The following FLII variants were observed in gnomAD, a reference collection of about 807,000 sequenced individuals.
FLII encodes protein flightless-1 homolog.
In FLII, 101 loss-of-function variants were observed where a neutral mutation model predicts 156.2. That is an observed-to-expected ratio of 0.65 (90% CI 0.55 to 0.76). The LOEUF (loss-of-function observed/expected upper bound fraction) is 0.76. Among genes scored for constraint, FLII ranks in the 30% least tolerant of loss-of-function variants. FLII has a pLI of 0.00. For synonymous variants in FLII, 767 were observed against 685.8 expected, an observed-to-expected ratio of 1.12 and a Z score of -1.85; for missense variants, 1,675 against 1,682.8, an observed-to-expected ratio of 1.00 and a Z score of 0.08.
chr17:18,245,880 C>T (rs1230289004), intron 26 of FLII, 30 bp from the exon 27 acceptor site: 4 of 1,613,758 alleles, frequency 2.5e-6, no homozygotes, highest in East Asian at 2.2e-5. Context: ...AGCCCAGGGC[C>T]CCTGCCTGCC....
chr17:18,247,139 C>CG (rs770168709), intron 21 of FLII, 30 bp downstream of exon 21: 23 of 1,305,614 alleles, frequency 1.8e-5, no homozygotes, highest in East Asian at 7.9e-5. Flanking sequence ...CACCCCCCCC[C>CG]CCGCGCCCCG....
At chr17:18,252,448 C>G in intron 10 of FLII, 24 bp downstream of exon 10, 1 of 1,606,206 alleles carries the variant, frequency 6.2e-7, no homozygotes, top group Non-Finnish European at 8.5e-7. Context: ...TCTCTTGAGC[C>G]CTCTCAAACC....
chr17:18,247,530 G>T (rs1417048250), intron 20 of FLII, 127 bp downstream of exon 20: 2 of 1,081,292 alleles, frequency 1.8e-6, no homozygotes, highest in Non-Finnish European at 2.6e-6. Context: ...GGCGGGGCCT[G>T]GGCAGAGTCA....
Position 18,252,508 on chromosome 17 carries a change from G to T in FLII, c.1062C>A (p.Thr354=). 1 of 1,613,742 alleles carries T rather than the reference G, an allele frequency of 6.2e-7. No homozygotes were observed. The highest frequency in any genetic ancestry group is 8.5e-7 in the Non-Finnish European group (1 of 1,179,988). The part of the protein sequence containing the change: ...KLVLNKNHLV[T]LPEAIHFLTE... ...TCAGGAAATGGATGGCTTCTGGGAG[G>T]GTCACCAGGTGGTTCTTGTTCAGGA... Residue 354 remains threonine (T), a synonymous_variant, in exon 10 of 30, where the codon ACC becomes ACA. Coordinates refer to ENST00000327031, the MANE Select transcript of FLII (RefSeq NM_002018.4).
At position 18,246,789 on chromosome 17, in the gene FLII, C is replaced by G. The variant is rs1460093131; in HGVS notation, c.2856G>C (p.Lys952Asn). The G allele has an allele frequency of 1.7e-5, 28 of 1,613,986 alleles. No homozygotes were observed. Among genetic ancestry groups the G allele is most frequent in the Non-Finnish European group, 2.1e-5 (25 of 1,179,996 alleles). The change falls in exon 23 of 30, where the codon AAG (lysine) becomes AAC (asparagine). Residue 952 changes from lysine to asparagine, a missense_variant. Coordinates refer to ENST00000327031, the MANE Select transcript of FLII (RefSeq NM_002018.4). ...CCTCGGCCTTCTCCTCCTTGTCTTC[C>G]TTCTTTTCCTCCTCCTCGTACTCCA... ...VPVEYEEEEK[K>N]EDKEEKAEGK...
At chr17:18,248,487 T>C in intron 18 of FLII, 63 bp downstream of exon 18, 1 of 1,488,714 alleles carries the variant, frequency 6.7e-7, no homozygotes, top group Non-Finnish European at 9.1e-7. Flanking sequence ...CGGTGTGTAG[T>C]CCATTCCCCC....
intron 2 of FLII, 104 bp downstream of exon 2, chr17:18,256,805 C>T (rs1026652240): frequency 2.4e-6 from 2 of 835,932 alleles, no homozygotes; most frequent in African/African-American, 3.4e-5. Flanking sequence ...CTGCTCATAG[C>T]TGTCGGTGTT....
chr17:18,250,793 C>T, intron 14 of FLII, 45 bp downstream of exon 14: 1 of 1,579,656 alleles, frequency 6.3e-7, no homozygotes, highest in Non-Finnish European at 8.6e-7. Context: ...CCAGAGTTCC[C>T]TGGGAACCCC....
intron 14 of FLII, among the ~76,000 whole-genome samples, chr17:18,250,051 G>T (rs1185468813): frequency 1.3e-5 from 2 of 152,148 alleles, no homozygotes; most frequent in Non-Finnish European, 2.9e-5. Context: ...AACCCTGGGG[G>T]CGGAGGTTGC....
chr17:18,248,113 G>A, intron 18 of FLII, 80 bp from the exon 19 acceptor site: 1 of 916,172 alleles, frequency 1.1e-6, no homozygotes, highest in East Asian at 2.5e-5. Flanking sequence ...TCTGGAACCA[G>A]CCCTGCCCTG....
chr17:18,257,130 T>C (rs2048443528), intron 1 of FLII, 111 bp from the exon 2 acceptor site: 2 of 634,166 alleles, frequency 3.2e-6, no homozygotes, highest in Non-Finnish European at 5.6e-6. Flanking sequence ...TCACCATCTG[T>C]GAGAACACAG....
Position 18,245,737 on chromosome 17 carries a change from G to A in FLII, c.3503+7C>T. ...GACTGAGGGGAGGGTCAGGGCCCTG[G>A]CCTCACCGGAAGAGACGTGTGTGTT... On this transcript the variant is annotated splice_region_variant and intron_variant, in intron 27 of 29. Transcript: ENST00000327031. 1 of 1,612,448 alleles carries A rather than the reference G, an allele frequency of 6.2e-7. No homozygotes were observed. The highest frequency in any genetic ancestry group is 1.7e-5 in the Admixed American group (1 of 60,024).
At chr17:18,251,916 C>T in intron 11 of FLII, 83 bp downstream of exon 11, 7 of 1,603,182 alleles carry the variant, frequency 4.4e-6, no homozygotes, top group Non-Finnish European at 5.1e-6. Context: ...GTCCAGAAAG[C>T]TGTATGCCAC....
chr17:18,251,930 A>G, intron 11 of FLII, 69 bp downstream of exon 11: 2 of 1,602,810 alleles, frequency 1.2e-6, no homozygotes, highest in Non-Finnish European at 1.7e-6. Context: ...ATGCCACCCA[A>G]TTTACAGATG....
chr17:18,246,761 T>G lies in FLII; in HGVS notation c.2884A>C (p.Lys962Gln). ...KEDKEEKAEG[K>Q]EGEEATAEAE... Reference sequence around the variant, plus strand: ...TCAGCGGTTGCTTCCTCGCCTTCTTTGCCCTCGGCCTTCTCCTCCTTGTCT... The same window carrying G: ...TCAGCGGTTGCTTCCTCGCCTTCTTGGCCCTCGGCCTTCTCCTCCTTGTCT... The change falls in exon 23 of 30, where the codon AAA becomes CAA. Residue 962 changes from lysine to glutamine, a missense_variant. Around this residue, in one of 2 missense-constraint regions of FLII, gnomAD observed 1,332 missense variants for 1,269.3 expected, o/e 1.05. Coordinates refer to ENST00000327031, the MANE Select transcript of FLII (RefSeq NM_002018.4). 6.2e-7 allele frequency: 1 copy of G among 1,613,994 alleles called. No individual in the cohort carries two copies.
chr17:18,245,137 C>T lies in FLII; in HGVS notation c.*1G>A, dbSNP rs1388398481. On this transcript the variant is annotated 3_prime_UTR_variant, in exon 30 of 30. Coordinates refer to ENST00000327031, the MANE Select transcript of FLII (RefSeq NM_002018.4). ...CAAGCCTGGGGCTGTGCCAGCCTGT[C>T]TTAGGCCAGGGCCTTGCAGAAGGCG... The T allele has an allele frequency of 6.8e-6, 11 of 1,610,976 alleles. No homozygotes were observed. Among genetic ancestry groups the T allele is most frequent in the Non-Finnish European group, 8.5e-6 (10 of 1,178,190 alleles).
Position 18,258,388 on chromosome 17 carries a change from G to A in FLII, c.63+240C>T. ...GGTGGGGGCTCCCGGCCGGGCCCCC[G>A]GCGGGACTCCGAGCCCAAGCGTCCG... On this transcript the variant is annotated intron_variant, in intron 1 of 29. Coordinates refer to ENST00000327031, the MANE Select transcript of FLII (RefSeq NM_002018.4). This position sits in a 1 kb window ranked among gnomAD's most constrained non-coding sequence, Gnocchi z 4.2. 1.7e-6 allele frequency: 2 copies of A among 1,188,434 alleles called. No individual in the cohort carries two copies. The highest frequency in any genetic ancestry group is 2.1e-4 in the Middle Eastern group (1 of 4,838). The allele number at this position is 1,188,434 out of a possible 1,614,324, so 73.6% of individuals were successfully genotyped here. A position where few individuals can be genotyped will look rare whatever the true frequency, so the allele number is the denominator to read the frequency against.
chr17:18,248,724 G>C lies in FLII; in HGVS notation c.2019-3C>G. 2 of 1,613,800 alleles carry C rather than the reference G, an allele frequency of 1.2e-6. No homozygotes were observed. The highest frequency in any genetic ancestry group is 1.7e-6 in the Non-Finnish European group (2 of 1,179,716). Reference sequence around the variant, plus strand: ...TGTTAATTTTCTCTGCAAAGAGCCTGAGAGCAGGATGCAAAGTCATCAGCG... The same window carrying C: ...TGTTAATTTTCTCTGCAAAGAGCCTCAGAGCAGGATGCAAAGTCATCAGCG... On this transcript the variant is annotated splice_region_variant and splice_polypyrimidine_tract_variant and intron_variant, in intron 17 of 29. Transcript: ENST00000327031.
rs768783137 is a variant in FLII, at chr17:18,246,054, A to T, written c.3276T>A (p.Phe1092Leu). Residue 1092 changes from phenylalanine (F) to leucine (L), a missense_variant, in exon 26 of 30, where the codon TTT becomes TTA. Coordinates refer to ENST00000327031, the MANE Select transcript of FLII (RefSeq NM_002018.4). Reference sequence around the variant, plus strand: ...CGATGCCCTGGTTGTCCTCACTCTCAAAGGGAACCTGGGGAGTGTGCAGGG... The same window carrying T: ...CGATGCCCTGGTTGTCCTCACTCTCTAAGGGAACCTGGGGAGTGTGCAGGG... Reference protein sequence around the residue: ...SEFCFILKVPFESEDNQGIVY... With the variant: ...SEFCFILKVPLESEDNQGIVY... 1 of 1,614,060 alleles carries T rather than the reference A, an allele frequency of 6.2e-7. No individual in the cohort carries two copies. Among genetic ancestry groups the T allele is most frequent in the Admixed American group, 1.7e-5 (1 of 60,022 alleles).
Sources: allele counts gnomAD v4.1 joint callset (sites outside exome capture counted in the v4.1 genomes callset), GRCh38; gene constraint gnomAD v4.1.1; regional missense constraint gnomAD v4.1.1; non-coding constraint Gnocchi (gnomAD v3.1); transcripts MANE v1.5; gene names NCBI Gene and HGNC (gene_info 2026-07-23, HGNC 2026-07-21).